Variants in CMYA5 observed in about 807,000 individuals in gnomAD.
The protein encoded by CMYA5 is cardiomyopathy-associated protein 5.
Under a neutral mutation model 318.9 loss-of-function variants are expected in CMYA5, and 246 were observed. The ratio of observed to expected loss-of-function variants is 0.77; its 90% CI spans 0.70 to 0.86. CMYA5 has a LOEUF of 0.86. Among genes scored for constraint, CMYA5 ranks in the 40% least tolerant of loss-of-function variants. The probability of loss-of-function intolerance (pLI) is 0.00; values close to 1 mark genes in which losing one functional copy is unlikely to be tolerated. For missense variants in CMYA5, 4,589 were observed against 4,678.2 expected, an observed-to-expected ratio of 0.98 and a Z score of 0.56; for synonymous variants, 1,641 against 1,729.5, an observed-to-expected ratio of 0.95 and a Z score of 1.27.
At chr5:79,754,348 C>CT (rs1451785893) in intron 6 of CMYA5, among the ~76,000 whole-genome samples, 3 of 152,178 alleles carry the variant, frequency 2.0e-5, no homozygotes, top group African/African-American at 7.2e-5. Flanking sequence ...TTATTCCATG[C>CT]TTATACGATG....
rs1054187028 is a variant in CMYA5 at position 79,733,462 on chromosome 5, C to T, written c.4697C>T (p.Thr1566Ile). The change falls in exon 2 of 13, where the codon ACA (threonine) becomes ATA (isoleucine). Residue 1566 changes from threonine (T) to isoleucine (I), a missense_variant. Coordinates refer to ENST00000446378, the MANE Select transcript of CMYA5 (RefSeq NM_153610.5). Reference protein sequence around the residue: ...HIIPKGKDEETASSSPELENL... With the variant: ...HIIPKGKDEEIASSSPELENL... ...ATCCCAAAAGGCAAAGATGAGGAAACAGCAAGTTCATCTCCTGAGTTGGAA... is the reference window on the plus strand; with the variant it reads ...ATCCCAAAAGGCAAAGATGAGGAAATAGCAAGTTCATCTCCTGAGTTGGAA... 6.2e-7 allele frequency: 1 copy of T among 1,613,912 alleles called. No individual in the cohort carries two copies. The highest frequency in any genetic ancestry group is 1.7e-5 in the Admixed American group (1 of 60,020).
chr5:79,769,353 T>C (rs1828813883), intron 9 of CMYA5, among the ~76,000 whole-genome samples: 1 of 152,116 alleles, frequency 6.6e-6, no homozygotes, highest in Admixed American at 6.6e-5. Context: ...TGAGGACTTA[T>C]GATCCTTTAA....
Position 79,730,502 on chromosome 5 carries a change from G to A in CMYA5, c.1737G>A (p.Glu579=), listed in dbSNP as rs201429642. 3.1e-6 allele frequency: 5 copies of A among 1,613,900 alleles called. No homozygotes were observed. In the Admixed American group the frequency reaches 6.7e-5, roughly 22 times the overall value. Residue 579 remains glutamate (E), a synonymous_variant, in exon 2 of 13, where the codon GAG becomes GAA. Coordinates refer to ENST00000446378, the MANE Select transcript of CMYA5 (RefSeq NM_153610.5). ...ASSPEHVALS[E]EEREEIASVS... is the part of the protein sequence containing the mutation. ...CTCCTGAACATGTTGCTTTGTCTGA[G>A]GAAGAAAGAGAGGAAATTGCATCTG...
In CMYA5 at chr5:79,745,288, G is replaced by A. The variant is rs1386645650; in HGVS notation, c.10801G>A (p.Ala3601Thr). The change falls in exon 4 of 13, where the codon GCA becomes ACA. Residue 3601 changes from alanine to threonine, a missense_variant. Physicochemically the swap from Ala to Thr is moderately conservative, Grantham distance 58 (BLOSUM62 0). Transcript: ENST00000446378. ...QNEEMMKKVLAQYDEKAQSFE... is the reference protein window; with the variant it reads ...QNEEMMKKVLTQYDEKAQSFE... ...TGAGGAAATGATGAAGAAGGTTTTA[G>A]CACAGTATGATGAGAAAGCCCAGAG... 3 of 1,612,960 alleles carry A rather than the reference G, an allele frequency of 1.9e-6. No homozygotes were observed. The highest frequency in any genetic ancestry group is 2.2e-5 in the East Asian group (1 of 44,818).
chr5:79,758,122 C>T (rs188469554), intron 6 of CMYA5, among the ~76,000 whole-genome samples: 4 of 151,478 alleles, frequency 2.6e-5, no homozygotes, highest in African/African-American at 9.7e-5. Context: ...CCCAGCTACT[C>T]AGGAGGCTGA....
rs754550091 is a variant in CMYA5 at position 79,736,690 on chromosome 5, G to T, written c.7925G>T (p.Cys2642Phe). 6.2e-7 allele frequency: 1 copy of T among 1,613,432 alleles called. No individual in the cohort carries two copies. The highest frequency in any genetic ancestry group is 1.3e-5 in the African/African-American group (1 of 74,878). The stretch of plus-strand genomic sequence containing the variant: ...ACTTTCCTGCCGGTGGCTCTTTCTT[G>T]TCGTGATGAAATAGAGAACCACTCT... ...TKTFLPVALS[C>F]RDEIENHSLS... The change falls in exon 2 of 13, where the codon TGT becomes TTT. Residue 2642 changes from cysteine (C) to phenylalanine (F), a missense_variant. This residue lies in a region of CMYA5 where 2,431 missense variants were observed against 2,495.1 expected (regional missense o/e 0.97). Transcript: ENST00000446378.
chr5:79,793,681 G>T, intron 12 of CMYA5, 71 bp downstream of exon 12: 1 of 1,407,800 alleles, frequency 7.1e-7, no homozygotes, highest in Non-Finnish European at 9.7e-7. Context: ...GCTCTCTGAG[G>T]GACCTGATAA....
In CMYA5 at chr5:79,726,909, A is replaced by ATTTTT. The variant is rs34198193; in HGVS notation, c.150-1987_150-1983dup. Among the ~76,000 whole-genome samples the ATTTTT allele has an allele frequency of 9.1e-4, 87 of 96,022 alleles. 9 individuals carry two copies. The highest frequency in any genetic ancestry group is 3.9e-3 in the African/African-American group (75 of 19,236). 63.0% of individuals were successfully genotyped at this position (96,022 alleles called of 152,430 possible). A position where few individuals can be genotyped will look rare whatever the true frequency, so the allele number is the denominator to read the frequency against. The stretch of plus-strand genomic sequence containing the variant: ...AGAGCTAGGATTGTTTAGGCCAGTG[A>ATTTTT]TTTTTTTTTTTTTTTTTTTTTTTGA... On this transcript the variant is annotated intron_variant, in intron 1 of 12. Transcript: ENST00000446378.
chr5:79,732,474 G>A lies in CMYA5; in HGVS notation c.3709G>A (p.Glu1237Lys). ...TCAGCCTCCAAATGTTCCAGAGTCTGAGATGAAATATTCAGTTTTGCCTGA... is the reference window on the plus strand; with the variant it reads ...TCAGCCTCCAAATGTTCCAGAGTCTAAGATGAAATATTCAGTTTTGCCTGA... ...EPQPPNVPES[E>K]MKYSVLPDMV... Residue 1237 changes from glutamate (E) to lysine (K), a missense_variant, in exon 2 of 13, where the codon GAG (glutamate) becomes AAG (lysine). This residue lies in a region of CMYA5 where 2,132 missense variants were observed against 2,131.3 expected (regional missense o/e 1.00). Coordinates refer to ENST00000446378, the MANE Select transcript of CMYA5 (RefSeq NM_153610.5). 1 of 1,613,190 alleles carries A rather than the reference G, an allele frequency of 6.2e-7. No individual in the cohort carries two copies. The highest frequency in any genetic ancestry group is 1.1e-5 in the South Asian group (1 of 90,862).
chr5:79,758,881 C>A lies in CMYA5; in HGVS notation c.11239C>A (p.Gln3747Lys). Residue 3747 changes from glutamine to lysine, a missense_variant, in exon 7 of 13, where the codon CAA (glutamine) becomes AAA (lysine). Physicochemically the swap from Gln to Lys is moderately conservative, Grantham distance 53 (BLOSUM62 1). This residue lies in a region of CMYA5 where 2,431 missense variants were observed against 2,495.1 expected (regional missense o/e 0.97). Coordinates refer to ENST00000446378, the MANE Select transcript of CMYA5 (RefSeq NM_153610.5). ...SFQVYCMEEP[Q>K]DDQEVNELVE... ...TCAGGTTTACTGCATGGAGGAGCCACAAGATGATCAAGAAGTAAATGGTAG... is the reference window on the plus strand; with the variant it reads ...TCAGGTTTACTGCATGGAGGAGCCAAAAGATGATCAAGAAGTAAATGGTAG... 1 of 1,588,050 alleles carries A rather than the reference C, an allele frequency of 6.3e-7. No individual in the cohort carries two copies. Among genetic ancestry groups the A allele is most frequent in the South Asian group, 1.2e-5 (1 of 85,508 alleles).
At chr5:79,710,364 C>A (rs181284454) in intron 1 of CMYA5, among the ~76,000 whole-genome samples, 3 of 152,038 alleles carry the variant, frequency 2.0e-5, no homozygotes, top group Admixed American at 6.5e-5. Flanking sequence ...ATAAATATAA[C>A]CCACATGAAC....
At chr5:79,788,419 T>C (rs1042038377) in intron 9 of CMYA5, among the ~76,000 whole-genome samples, 4 of 152,110 alleles carry the variant, frequency 2.6e-5, no homozygotes, top group Admixed American at 2.6e-4. Context: ...ACTATCAGCA[T>C]TTTTCTTTTA....
chr5:79,734,526 AGCAATGAGCTGAG>A lies in CMYA5; in HGVS notation c.5764_5776del (p.Asn1922GlnfsTer17). The A allele has an allele frequency of 6.2e-7, 1 of 1,613,760 alleles. No individual in the cohort carries two copies. Among genetic ancestry groups the A allele is most frequent in the Non-Finnish European group, 8.5e-7 (1 of 1,179,730 alleles). ...ATCTGTGCAGCTGGATTCCTCTAGC[AGCAATGAGCTGAG>A]GCCAGGGCAGCTCAAGGCTGCTGTG... is the stretch of plus-strand genomic sequence containing the variant. On this transcript the variant is annotated frameshift_variant, in exon 2 of 13. Coordinates refer to ENST00000446378, the MANE Select transcript of CMYA5 (RefSeq NM_153610.5). LOFTEE classifies it high-confidence loss of function.
intron 1 of CMYA5, among the ~76,000 whole-genome samples, chr5:79,714,910 T>C (rs1222107760): frequency 1.3e-5 from 2 of 152,200 alleles, no homozygotes; most frequent in Non-Finnish European, 2.9e-5. Context: ...TTCTTAGAAC[T>C]TAAAAACAGA....
At chr5:79,742,698 T>G (rs1192025701) in intron 2 of CMYA5, among the ~76,000 whole-genome samples, 1 of 152,010 alleles carries the variant, frequency 6.6e-6, no homozygotes, top group Non-Finnish European at 1.5e-5. Context: ...ACTCCCTTCC[T>G]GCATTCTCAG....
intron 9 of CMYA5, among the ~76,000 whole-genome samples, chr5:79,770,590 G>A (rs1828837759): frequency 6.6e-6 from 1 of 152,100 alleles, no homozygotes; most frequent in African/African-American, 2.4e-5. Flanking sequence ...GCCCCACCCT[G>A]CTTCTGCTCA....
intron 11 of CMYA5, among the ~76,000 whole-genome samples, chr5:79,792,105 G>A (rs1829190876): frequency 1.3e-5 from 2 of 152,194 alleles, no homozygotes; most frequent in South Asian, 2.1e-4. Flanking sequence ...CCAAGCTCAG[G>A]TGTTACCTGC....
chr5:79,741,819 TAGAG>T (rs928419304), intron 2 of CMYA5, among the ~76,000 whole-genome samples: 38 of 152,348 alleles, frequency 2.5e-4, no homozygotes, highest in African/African-American at 9.1e-4. Context: ...ATTTTATAAG[TAGAG>T]AGATATGATG....
At chr5:79,756,739 T>A (rs1828537622) in intron 6 of CMYA5, among the ~76,000 whole-genome samples, 2 of 152,244 alleles carry the variant, frequency 1.3e-5, no homozygotes, top group South Asian at 4.1e-4. Flanking sequence ...TTCTCATTTG[T>A]ACCTTCTTGC....
Sources: allele counts gnomAD v4.1 joint callset (sites outside exome capture counted in the v4.1 genomes callset), GRCh38; gene constraint gnomAD v4.1.1; regional missense constraint gnomAD v4.1.1; transcripts MANE v1.5; gene names NCBI Gene and HGNC (gene_info 2026-07-23, HGNC 2026-07-21).